Variants in PTPRD observed in about 807,000 individuals in gnomAD.
The protein encoded by PTPRD is protein tyrosine phosphatase receptor type D.
A neutral mutation model predicts 214.5 loss-of-function variants in PTPRD; 34 were observed. The observed-to-expected ratio is 0.16, with a 90% CI of 0.12 to 0.21. The LOEUF is 0.21. Ranked by LOEUF, PTPRD falls within the 10% of genes least tolerant of loss-of-function variation. PTPRD has a pLI of 1.00. For synonymous variants in PTPRD, 1,128 were observed against 845.7 expected (o/e 1.33, Z -5.79); for missense variants, 2,545 against 2,398.7 (o/e 1.06, Z -1.27).
intron 10 of PTPRD, among the ~76,000 whole-genome samples, chr9:9,030,061 A>G (rs1334246753): frequency 3.3e-5 from 5 of 152,052 alleles, no homozygotes; most frequent in Admixed American, 2.0e-4. Flanking sequence ...AAATGGGAAG[A>G]GAACAGTGTG....
intron 3 of PTPRD, among the ~76,000 whole-genome samples, chr9:10,330,371 C>A (rs1310011839): frequency 1.3e-5 from 2 of 151,750 alleles, no homozygotes; most frequent in Non-Finnish European, 2.9e-5. Flanking sequence ...CAAATTCTCA[C>A]GGAGACCAAT....
intron 35 of PTPRD, among the ~76,000 whole-genome samples, chr9:8,420,818 T>TA (rs372270704): frequency 0.11 from 16,697 of 147,250 alleles, 929 homozygotes; most frequent in East Asian, 0.14. Flanking sequence ...TTTTTTTTTT[T>TA]AAAAAAAGAA....
At chr9:9,133,575 T>C (rs920660622) in intron 10 of PTPRD, among the ~76,000 whole-genome samples, 4 of 152,180 alleles carry the variant, frequency 2.6e-5, no homozygotes, top group Non-Finnish European at 5.9e-5. Flanking sequence ...TGAGTTGTTA[T>C]AAAAAAACTC....
At chr9:9,702,173 T>C (rs1369401982) in intron 7 of PTPRD, among the ~76,000 whole-genome samples, 1 of 151,988 alleles carries the variant, frequency 6.6e-6, no homozygotes, top group Non-Finnish European at 1.5e-5. Context: ...AGTATCATGA[T>C]GACGAGAAAG....
intron 2 of PTPRD, among the ~76,000 whole-genome samples, chr9:10,554,821 C>T (rs978711003): frequency 3.4e-4 from 51 of 152,078 alleles, no homozygotes; most frequent in African/African-American, 1.0e-3. Context: ...CCACCACGCC[C>T]GGCTAATTTT....
chr9:9,285,700 G>A (rs1949127012), intron 9 of PTPRD, among the ~76,000 whole-genome samples: 1 of 151,614 alleles, frequency 6.6e-6, no homozygotes, highest in African/African-American at 2.4e-5. Flanking sequence ...TTCATGTCTT[G>A]ACCCCAGGCT....
chr9:8,686,397 A>G (rs1025290450), intron 12 of PTPRD, among the ~76,000 whole-genome samples: 1 of 152,188 alleles, frequency 6.6e-6, no homozygotes, highest in Non-Finnish European at 1.5e-5. Flanking sequence ...CACAGAGTGA[A>G]AATTCTCCAT....
At chr9:9,610,793 T>C (rs899711248) in intron 7 of PTPRD, among the ~76,000 whole-genome samples, 1 of 152,210 alleles carries the variant, frequency 6.6e-6, no homozygotes, top group African/African-American at 2.4e-5. Flanking sequence ...TAGACAAAGG[T>C]AAAAATAAGA....
intron 4 of PTPRD, among the ~76,000 whole-genome samples, chr9:9,972,418 G>A (rs978726142): frequency 6.6e-6 from 1 of 152,154 alleles, no homozygotes; most frequent in Non-Finnish European, 1.5e-5. Context: ...TAAGGCTATG[G>A]CGAAACTTAC....
intron 9 of PTPRD, among the ~76,000 whole-genome samples, chr9:9,246,726 A>C (rs1455070239): frequency 6.6e-6 from 1 of 152,054 alleles, no homozygotes; most frequent in East Asian, 1.9e-4. Flanking sequence ...TTCACAGTTT[A>C]ACTGGACTGG....
chr9:9,027,899 T>C (rs1316102806), intron 10 of PTPRD, among the ~76,000 whole-genome samples: 1 of 151,946 alleles, frequency 6.6e-6, no homozygotes, highest in Non-Finnish European at 1.5e-5. Flanking sequence ...TATAAAGTGG[T>C]GGTAACATAA....
At chr9:8,805,927 G>A (rs1260989527) in intron 11 of PTPRD, among the ~76,000 whole-genome samples, 3 of 147,826 alleles carry the variant, frequency 2.0e-5, no homozygotes, top group African/African-American at 7.5e-5. Context: ...CCCGGGAGGT[G>A]GAGCTTGCAG....
intron 9 of PTPRD, among the ~76,000 whole-genome samples, chr9:9,309,058 C>T (rs563613793): frequency 6.6e-6 from 1 of 152,098 alleles, no homozygotes; most frequent in African/African-American, 2.4e-5. Context: ...TTTTTCTTCT[C>T]AGCCTTTCTG....
chr9:9,240,507 C>T (rs4073525), intron 9 of PTPRD, among the ~76,000 whole-genome samples: 32,649 of 152,082 alleles, frequency 0.21, 4,197 homozygotes, highest in Middle Eastern at 0.33. Context: ...CCTGTCTCTA[C>T]TAGAAATACA....
At chr9:8,356,827 T>C (rs575303027) in intron 39 of PTPRD, among the ~76,000 whole-genome samples, 1 of 152,156 alleles carries the variant, frequency 6.6e-6, no homozygotes, top group Non-Finnish European at 1.5e-5. Context: ...ATAAAATGAT[T>C]CATTGAGAGC....
At chr9:9,668,121 G>A (rs929715215) in intron 7 of PTPRD, among the ~76,000 whole-genome samples, 7 of 152,024 alleles carry the variant, frequency 4.6e-5, no homozygotes, top group Non-Finnish European at 7.4e-5. Context: ...TGATCTCCAC[G>A]TATCATCTGA....
At chr9:8,761,683 G>C (rs1370711603) in intron 11 of PTPRD, among the ~76,000 whole-genome samples, 1 of 152,088 alleles carries the variant, frequency 6.6e-6, no homozygotes, top group Non-Finnish European at 1.5e-5. Context: ...TAATTTTATA[G>C]ACATCTAATA....
In PTPRD at chr9:10,524,001, A is replaced by T. The variant is rs533064677; in HGVS notation, c.-600+88397T>A. On this transcript the variant is annotated intron_variant, in intron 2 of 45. Coordinates refer to ENST00000381196, the MANE Select transcript of PTPRD (RefSeq NM_002839.4). ...CTAGAAGTCCAAGATGATGGTGCCA[A>T]CATGGTCAGTTTAAGCTAAGGGTGG... Among the ~76,000 whole-genome samples, 8 of 152,198 alleles carry T rather than the reference A, an allele frequency of 5.3e-5. No homozygotes were observed. The South Asian group carries it at 1.7e-3, about 32-fold the overall frequency.
intron 2 of PTPRD, among the ~76,000 whole-genome samples, chr9:10,480,172 G>A (rs1391280479): frequency 6.6e-6 from 1 of 152,094 alleles, no homozygotes; most frequent in African/African-American, 2.4e-5. Flanking sequence ...TGGCAAGTGT[G>A]CCACACTCAG....
Sources: gnomAD v4.1 joint callset for allele counts (sites outside exome capture counted in the v4.1 genomes callset) on GRCh38, gnomAD v4.1.1 for gene constraint, MANE v1.5 for transcripts, NCBI Gene and HGNC (gene_info 2026-07-23, HGNC 2026-07-21) for gene names.